The following LINGO2 variants were observed in gnomAD, a reference collection of about 807,000 sequenced individuals.
The protein encoded by LINGO2 is leucine rich repeat and Ig domain containing 2, also known as leucine-rich repeat and immunoglobulin-like domain-containing nogo receptor-interacting protein 2.
LINGO2 carries 14 observed loss-of-function variants against 30.6 expected under a neutral mutation model. That is an observed-to-expected ratio of 0.46 (90% CI 0.30 to 0.72). LINGO2 has a LOEUF of 0.72. LINGO2 is among the 30% of genes least tolerant of loss of function. LINGO2 has a pLI of 0.07. For synonymous variants in LINGO2, 317 were observed against 288.5 expected, an observed-to-expected ratio of 1.10 and a Z score of -1.00; for missense variants, 729 against 751.7, an observed-to-expected ratio of 0.97 and a Z score of 0.35.
In LINGO2 at chr9:28,025,127, C is replaced by T. The variant is rs141483449; in HGVS notation, c.-86-12722G>A. ...ATTACCGGTATCTTGACAGATGATGCTGAGAAACGCAGGTCACTGCTTGCT... is the reference window on the plus strand; with the variant it reads ...ATTACCGGTATCTTGACAGATGATGTTGAGAAACGCAGGTCACTGCTTGCT... On this transcript the variant is annotated intron_variant, in intron 4 of 5. Transcript: ENST00000379992. 7.2e-3 allele frequency among the ~76,000 whole-genome samples: 1,089 copies of T among 152,246 alleles called. 12 individuals are homozygous for T. Among genetic ancestry groups the T allele is most frequent in the African/African-American group, 0.025 (1,030 of 41,528 alleles).
upstream of LINGO2, among the ~76,000 whole-genome samples, chr9:28,673,606 G>T (rs535743472): frequency 4.2e-4 from 64 of 152,090 alleles, 1 homozygote; most frequent in South Asian, 0.013. Flanking sequence ...GGCGCAAGTT[G>T]CAGTGAGCCA....
the LINGO2 span, among the ~76,000 whole-genome samples, chr9:29,065,911 T>A: frequency 1.3e-5 from 2 of 152,010 alleles, no homozygotes; most frequent in African/African-American, 2.4e-5. Flanking sequence ...TTGTTTTTGA[T>A]TCATTATTTT....
chr9:28,180,438 T>A (rs1312174616), intron 4 of LINGO2, among the ~76,000 whole-genome samples: 1 of 152,188 alleles, frequency 6.6e-6, no homozygotes, highest in East Asian at 1.9e-4. Context: ...TATTCTATCT[T>A]CTGTTTTGCA....
chr9:29,064,206 C>T, the LINGO2 span, among the ~76,000 whole-genome samples: 1 of 151,562 alleles, frequency 6.6e-6, no homozygotes, highest in Non-Finnish European at 1.5e-5. Flanking sequence ...CTAGAGTCAC[C>T]ATGATTTGAA....
At chr9:28,457,806 T>G (rs1587701487) in intron 2 of LINGO2, among the ~76,000 whole-genome samples, 1 of 152,136 alleles carries the variant, frequency 6.6e-6, no homozygotes, top group African/African-American at 2.4e-5. Context: ...ACATTGTATA[T>G]GAATTTCACA....
the LINGO2 span, among the ~76,000 whole-genome samples, chr9:28,705,243 G>T: frequency 4.3e-4 from 66 of 152,096 alleles, no homozygotes; most frequent in African/African-American, 1.2e-3. Context: ...TTGATAGACA[G>T]ATATAATGTA....
chr9:28,358,092 A>G (rs1178660241), intron 3 of LINGO2, among the ~76,000 whole-genome samples: 1 of 152,130 alleles, frequency 6.6e-6, no homozygotes. Context: ...ACTACACCAA[A>G]ACTATTTTAT....
chr9:29,144,921 A>G, the LINGO2 span, among the ~76,000 whole-genome samples: 4 of 152,070 alleles, frequency 2.6e-5, no homozygotes, highest in African/African-American at 9.7e-5. Flanking sequence ...AACAGTTTTT[A>G]TTGCTTTTTT....
chr9:29,159,115 A>C, the LINGO2 span, among the ~76,000 whole-genome samples: 2 of 152,170 alleles, frequency 1.3e-5, no homozygotes, highest in South Asian at 4.1e-4. Flanking sequence ...ACTATACTCA[A>C]ATCTCAGGGC....
intron 1 of LINGO2, among the ~76,000 whole-genome samples, chr9:28,633,106 C>T (rs1057449521): frequency 1.3e-5 from 2 of 151,706 alleles, no homozygotes; most frequent in African/African-American, 4.8e-5. Flanking sequence ...CCATCTCTCT[C>T]CTTTTCATGT....
chr9:28,284,033 C>T (rs1587387168), intron 4 of LINGO2, among the ~76,000 whole-genome samples: 1 of 152,122 alleles, frequency 6.6e-6, no homozygotes, highest in African/African-American at 2.4e-5. Context: ...AAACCTCTTG[C>T]AAATATTTTA....
intron 1 of LINGO2, among the ~76,000 whole-genome samples, chr9:28,593,516 T>C (rs1825026148): frequency 6.6e-6 from 1 of 152,070 alleles, no homozygotes; most frequent in Non-Finnish European, 1.5e-5. Context: ...GAAAGAAGAA[T>C]GAAACAGATG....
intron 1 of LINGO2, among the ~76,000 whole-genome samples, chr9:28,621,906 ACT>A (rs1384928378): frequency 6.6e-6 from 1 of 152,096 alleles, no homozygotes; most frequent in East Asian, 1.9e-4. Flanking sequence ...ATCACCTGAC[ACT>A]GAGACACAAA....
intron 2 of LINGO2, among the ~76,000 whole-genome samples, chr9:28,470,961 T>C (rs1380687892): frequency 1.3e-5 from 2 of 148,336 alleles, no homozygotes; most frequent in Non-Finnish European, 3.0e-5. Flanking sequence ...TAATTTTCTT[T>C]ATATATGTTA....
At chr9:28,024,158 T>G (rs1257227066) in intron 4 of LINGO2, among the ~76,000 whole-genome samples, 1 of 152,174 alleles carries the variant, frequency 6.6e-6, no homozygotes, top group Non-Finnish European at 1.5e-5. Flanking sequence ...AAATGGCCCT[T>G]TCTGAGAAAT....
At chr9:28,054,600 T>TC (rs1824832171) in intron 4 of LINGO2, among the ~76,000 whole-genome samples, 1 of 152,098 alleles carries the variant, frequency 6.6e-6, no homozygotes, top group Admixed American at 6.6e-5. Flanking sequence ...ACTTGATCAC[T>TC]CCCCTTTTAT....
chr9:29,191,859 G>A, the LINGO2 span, among the ~76,000 whole-genome samples: 1 of 151,682 alleles, frequency 6.6e-6, no homozygotes. Context: ...CGCTGTAAAC[G>A]TTTTTTCTTA....
At chr9:28,940,196 G>C in the LINGO2 span, among the ~76,000 whole-genome samples, 3 of 152,208 alleles carry the variant, frequency 2.0e-5, no homozygotes, top group East Asian at 5.8e-4. Flanking sequence ...TCTCCTCTTA[G>C]ACATGCAGGT....
chr9:28,002,366 A>G (rs10812718), intron 5 of LINGO2, among the ~76,000 whole-genome samples: 18,068 of 152,092 alleles, frequency 0.12, 1,219 homozygotes, highest in Non-Finnish European at 0.16. Context: ...AGAAAGTACC[A>G]CAACTGAGAA....
Sources: allele counts gnomAD v4.1 joint callset (sites outside exome capture counted in the v4.1 genomes callset), GRCh38; gene constraint gnomAD v4.1.1; transcripts MANE v1.5; gene names NCBI Gene and HGNC (gene_info 2026-07-23, HGNC 2026-07-21).